Variants in MCTP2 observed in about 807,000 individuals in gnomAD.
MCTP2 encodes the protein multiple C2 and transmembrane domain containing 2.
MCTP2 carries 132 observed loss-of-function variants against 111.6 expected under a neutral mutation model. That is an observed-to-expected ratio of 1.18 (90% confidence interval 1.03 to 1.37). The LOEUF (loss-of-function observed/expected upper bound fraction) is 1.37, where lower values mean the gene tolerates loss of function less well. Among genes scored for constraint, MCTP2 ranks in the 40% most tolerant of loss-of-function variants. The probability of loss-of-function intolerance (pLI) is 0.00; values close to 1 mark genes in which losing one functional copy is unlikely to be tolerated. For missense variants in MCTP2, 1,183 were observed against 1,067.9 expected (o/e 1.11, Z -1.50); for synonymous variants, 395 against 387.7 (o/e 1.02, Z -0.22).
intron 1 of MCTP2, among the ~76,000 whole-genome samples, chr15:94,255,159 A>G (rs1455806352): frequency 6.6e-6 from 1 of 152,214 alleles, no homozygotes; most frequent in Admixed American, 6.5e-5. Flanking sequence ...CTTTGATCAT[A>G]TAACTATACC....
chr15:94,481,658 G>C lies in MCTP2; in HGVS notation c.*2624G>C, dbSNP rs1159282426. On this transcript the variant is annotated 3_prime_UTR_variant, in exon 23 of 23. Transcript: ENST00000357742. ...AGAGGCTTAGTTAGTCCTGTGGCTG[G>C]ATGTGACTCCAACTTCCTTTTTTGT... 1 of 152,300 alleles carries C rather than the reference G, an allele frequency of 6.6e-6. No homozygotes were observed. The highest frequency in any genetic ancestry group is 2.1e-4 in the South Asian group (1 of 4,834). 9.4% of individuals were successfully genotyped at this position (152,300 alleles called of 1,614,324 possible).
chr15:94,314,858 CG>C, intron 3 of MCTP2: 1 of 442,884 alleles, frequency 2.3e-6, no homozygotes. Context: ...GACTGAGTTG[CG>C]GGAAGGTGAG....
Position 94,384,130 on chromosome 15 carries a change from T to C in MCTP2, c.1685+6T>C, listed in dbSNP as rs745834028. The stretch of plus-strand genomic sequence containing the variant: ...TGGAACAAAGTTTTTACATTGTAAG[T>C]GCTTTAGCCTCTGGAATTATTTCTG... On this transcript the variant is annotated splice_donor_region_variant and intron_variant, in intron 13 of 22. Transcript: ENST00000357742. The C allele has an allele frequency of 9.4e-6, 15 of 1,593,032 alleles. No homozygotes were observed. Among genetic ancestry groups the C allele is most frequent in the Non-Finnish European group, 1.2e-5 (14 of 1,161,738 alleles).
At chr15:94,233,219 G>A (rs745359396) in intron 1 of MCTP2, among the ~76,000 whole-genome samples, 1 of 152,212 alleles carries the variant, frequency 6.6e-6, no homozygotes, top group East Asian at 1.9e-4. Context: ...GTGTGGTCAA[G>A]CTGTGACCTA....
At chr15:94,426,141 T>TGAGAGAGAGA (rs10603478) in intron 17 of MCTP2, among the ~76,000 whole-genome samples, 4 of 140,856 alleles carry the variant, frequency 2.8e-5, no homozygotes, top group African/African-American at 5.3e-5. Flanking sequence ...AGAGAGAGAT[T>TGAGAGAGAGA]GAGAGAGAGA....
chr15:94,477,378 G>A (rs531637403), intron 22 of MCTP2, among the ~76,000 whole-genome samples: 3 of 152,144 alleles, frequency 2.0e-5, no homozygotes, highest in Non-Finnish European at 4.4e-5. Context: ...TGGTCACCTA[G>A]TCCAGCAGTG....
chr15:94,243,626 CATATGCGTATATACATATATATGT>C (rs1439641622), intron 1 of MCTP2, among the ~76,000 whole-genome samples: 1 of 148,618 alleles, frequency 6.7e-6, no homozygotes, highest in African/African-American at 2.5e-5. Flanking sequence ...TGTATATACG[CATATGCGTATATACATATATATGT>C]ATACACATAT....
chr15:94,476,499 G>A (rs772327846), intron 21 of MCTP2, 197 bp from the exon 22 acceptor site: 11 of 437,194 alleles, frequency 2.5e-5, no homozygotes, highest in East Asian at 8.5e-5. Context: ...CTTGACTTGA[G>A]GTCTGGTAAT....
At chr15:94,470,475 A>C (rs554766441) in intron 21 of MCTP2, 33 bp downstream of exon 21, 122 of 1,354,380 alleles carry the variant, frequency 9.0e-5, no homozygotes, top group Non-Finnish European at 1.2e-4. Context: ...GCTAGCAATC[A>C]ATTCCAGGTA....
chr15:94,402,155 A>G (rs1047023296), intron 17 of MCTP2, 136 bp downstream of exon 17: 7 of 1,336,882 alleles, frequency 5.2e-6, no homozygotes, highest in Non-Finnish European at 5.0e-6. Context: ...TTACCTGGGA[A>G]ACCCCTTAAA....
Position 94,422,007 on chromosome 15 carries a change from G to C in MCTP2, c.2086-18169G>C, listed in dbSNP as rs957434590. Among the ~76,000 whole-genome samples the C allele has an allele frequency of 5.9e-5, 9 of 152,240 alleles. No individual in the cohort carries two copies. In the South Asian group the frequency reaches 1.5e-3, roughly 25 times the overall value. On this transcript the variant is annotated intron_variant, in intron 17 of 22. Transcript: ENST00000357742. ...GTTTCAATGAGAGGCTTAAATTTGG[G>C]AAAAGGGAAGAGGTTATGTACTATA...
intron 1 of MCTP2, among the ~76,000 whole-genome samples, chr15:94,256,606 G>A (rs1450486650): frequency 6.6e-6 from 1 of 152,212 alleles, no homozygotes; most frequent in African/African-American, 2.4e-5. Flanking sequence ...GTATCAGGAA[G>A]GCAGACCATC....
At position 94,481,104 on chromosome 15, in the gene MCTP2, A is replaced by G. The variant is rs1252937246; in HGVS notation, c.*2070A>G. 2 of 152,210 alleles carry G rather than the reference A, an allele frequency of 1.3e-5. No individual in the cohort carries two copies. The highest frequency in any genetic ancestry group is 2.9e-5 in the Non-Finnish European group (2 of 68,040). 9.4% of individuals were successfully genotyped at this position (152,210 alleles called of 1,614,324 possible). A position where few individuals can be genotyped will look rare whatever the true frequency, so the allele number is the denominator to read the frequency against. ...AAGATTCCAGAATGCTTTTGATAAAATTTATCGATTGTGGATTCACAGTGT... is the reference window on the plus strand; with the variant it reads ...AAGATTCCAGAATGCTTTTGATAAAGTTTATCGATTGTGGATTCACAGTGT... On this transcript the variant is annotated 3_prime_UTR_variant, in exon 23 of 23. Transcript: ENST00000357742.
chr15:94,321,991 T>C (rs889004979), intron 4 of MCTP2, among the ~76,000 whole-genome samples: 2 of 152,156 alleles, frequency 1.3e-5, no homozygotes. Flanking sequence ...TCACATCCAA[T>C]TGGCTGAGGA....
chr15:94,326,424 TTG>T (rs1375486140), intron 4 of MCTP2, among the ~76,000 whole-genome samples: 4 of 152,180 alleles, frequency 2.6e-5, no homozygotes, highest in Non-Finnish European at 5.9e-5. Context: ...ATTGCATTTT[TTG>T]TGTTATATGA....
At chr15:94,239,215 A>T (rs2070768602) in intron 1 of MCTP2, among the ~76,000 whole-genome samples, 1 of 152,214 alleles carries the variant, frequency 6.6e-6, no homozygotes, top group South Asian at 2.1e-4. Flanking sequence ...TATTTCTTGG[A>T]CTACAATAAC....
chr15:94,399,455 A>C (rs2081446529), intron 15 of MCTP2: 1 of 174,574 alleles, frequency 5.7e-6, no homozygotes, highest in African/African-American at 2.4e-5. Context: ...TTCCCTGTAA[A>C]ATGGGGCTAA....
intron 20 of MCTP2, among the ~76,000 whole-genome samples, chr15:94,459,825 A>G (rs1378660846): frequency 1.3e-5 from 2 of 152,218 alleles, no homozygotes; most frequent in Non-Finnish European, 2.9e-5. Flanking sequence ...AGCAACACCA[A>G]CTGTTATCGC....
intron 1 of MCTP2, among the ~76,000 whole-genome samples, chr15:94,275,529 G>A (rs1313573921): frequency 3.4e-5 from 5 of 146,090 alleles, no homozygotes; most frequent in Non-Finnish European, 6.0e-5. Context: ...TAAAGATTCT[G>A]TTTTCCATAT....
Sources: allele counts gnomAD v4.1 joint callset (sites outside exome capture counted in the v4.1 genomes callset), GRCh38; gene constraint gnomAD v4.1.1; transcripts MANE v1.5; gene names NCBI Gene and HGNC (gene_info 2026-07-23, HGNC 2026-07-21).